Variants in AP4E1 observed in about 807,000 individuals in gnomAD.
AP4E1 encodes AP-4 complex subunit epsilon-1.
Under a neutral mutation model 128.2 loss-of-function variants are expected in AP4E1, and 56 were observed. The ratio of observed to expected loss-of-function variants is 0.44; its 90% CI spans 0.35 to 0.55. AP4E1 has a LOEUF of 0.55. Ranked by LOEUF, AP4E1 falls within the 20% of genes least tolerant of loss-of-function variation. The probability of loss-of-function intolerance (pLI) is 0.00; values close to 1 mark genes in which losing one functional copy is unlikely to be tolerated. For missense variants in AP4E1, 1,324 were observed against 1,307.7 expected, an observed-to-expected ratio of 1.01 and a Z score of -0.19; for synonymous variants, 484 against 473.1, an observed-to-expected ratio of 1.02 and a Z score of -0.30.
At chr15:50,985,062 T>C (rs1417470599) in intron 16 of AP4E1, among the ~76,000 whole-genome samples, 1 of 152,396 alleles carries the variant, frequency 6.6e-6, no homozygotes, top group Non-Finnish European at 1.5e-5. Context: ...TAGCCAGTGA[T>C]GACGAGCATT....
intron 14 of AP4E1, among the ~76,000 whole-genome samples, chr15:50,966,292 T>G (rs898558195): frequency 3.9e-5 from 6 of 152,210 alleles, no homozygotes; most frequent in Admixed American, 2.0e-4. Flanking sequence ...TTATTTCCAC[T>G]AATTTTGACT....
chr15:50,984,835 G>C (rs1231648907), intron 16 of AP4E1, among the ~76,000 whole-genome samples: 1 of 150,732 alleles, frequency 6.6e-6, no homozygotes, highest in East Asian at 1.9e-4. Context: ...TAATGGGATT[G>C]CTGGGTCAAA....
chr15:50,909,931 C>T (rs539468783), intron 1 of AP4E1, among the ~76,000 whole-genome samples: 1 of 152,072 alleles, frequency 6.6e-6, no homozygotes, highest in African/African-American at 2.4e-5. Context: ...GCGATCCGCC[C>T]GCCTTGGCGT....
At chr15:50,926,885 C>T (rs962988610) in intron 5 of AP4E1, among the ~76,000 whole-genome samples, 4 of 152,258 alleles carry the variant, frequency 2.6e-5, no homozygotes, top group East Asian at 1.9e-4. Context: ...CCACCATGCC[C>T]GGCCAACTTG....
At position 50,950,033 on chromosome 15, in the gene AP4E1, G is replaced by A. The variant is rs747140229; in HGVS notation, c.1430-18G>A. 20 of 1,593,092 alleles carry A rather than the reference G, an allele frequency of 1.3e-5. No homozygotes were observed. In the Admixed American group the frequency reaches 2.8e-4, roughly 23 times the overall value. On this transcript the variant is annotated intron_variant, in intron 12 of 20. Coordinates refer to ENST00000261842, the MANE Select transcript of AP4E1 (RefSeq NM_007347.5). ...ATAAGTTTGTGGAAATTAAAATGGT[G>A]TATCAATTTCTTTGTAGGTTTTGAT... is the stretch of plus-strand genomic sequence containing the variant.
intron 7 of AP4E1, 87 bp downstream of exon 7, chr15:50,931,058 C>G: frequency 6.8e-7 from 1 of 1,465,254 alleles, no homozygotes; most frequent in Non-Finnish European, 9.5e-7. Context: ...TAATGATAAA[C>G]CAGATTCTTC....
chr15:50,953,719 A>G (rs558143166), intron 13 of AP4E1, among the ~76,000 whole-genome samples: 5 of 152,370 alleles, frequency 3.3e-5, no homozygotes, highest in African/African-American at 7.2e-5. Context: ...AGCTATAAAA[A>G]TGGTTCCTTT....
intron 2 of AP4E1, among the ~76,000 whole-genome samples, chr15:50,914,396 A>G (rs1238622853): frequency 6.6e-6 from 1 of 152,094 alleles, no homozygotes; most frequent in Non-Finnish European, 1.5e-5. Context: ...CACACCTGTA[A>G]TCCCGGCAAT....
intron 7 of AP4E1, among the ~76,000 whole-genome samples, chr15:50,932,399 TTC>T (rs537231015): frequency 3.6e-4 from 55 of 152,348 alleles, no homozygotes; most frequent in Admixed American, 2.7e-3. Context: ...ATCATTCTCA[TTC>T]TCTGTGTGTG....
At chr15:50,917,485 A>G (rs1260145248) in intron 3 of AP4E1, among the ~76,000 whole-genome samples, 1 of 152,222 alleles carries the variant, frequency 6.6e-6, no homozygotes, top group Non-Finnish European at 1.5e-5. Flanking sequence ...CAATTGAGAT[A>G]ACATTGATAC....
In AP4E1 at chr15:51,004,445, G is replaced by C. The variant is rs752246719; in HGVS notation, c.*1783G>C. 2.0e-5 allele frequency: 3 copies of C among 152,244 alleles called. No individual in the cohort carries two copies. Among genetic ancestry groups the C allele is most frequent in the Non-Finnish European group, 4.4e-5 (3 of 68,056 alleles). 9.4% of individuals were successfully genotyped at this position (152,244 alleles called of 1,614,324 possible). ...GGCTAGGTCGAGTGTGAAGCAATAG[G>C]TGTAAGATGCTGAGAGCACATGGAC... On this transcript the variant is annotated 3_prime_UTR_variant, in exon 21 of 21. Coordinates refer to ENST00000261842, the MANE Select transcript of AP4E1 (RefSeq NM_007347.5).
rs1395874285 is a variant in AP4E1 at position 50,958,695 on chromosome 15, T to G, written c.1752T>G (p.Thr584=). 6.2e-7 allele frequency: 1 copy of G among 1,614,056 alleles called. No homozygotes were observed. The highest frequency in any genetic ancestry group is 8.5e-7 in the Non-Finnish European group (1 of 1,180,018). Residue 584 remains threonine, a synonymous_variant, in exon 14 of 21, where the codon ACT becomes ACG. Transcript: ENST00000261842. ...LIHEFTISLD[T]CMRQHAFELK... ...ATGAATTTACCATATCTTTGGATAC[T>G]TGTATGAGACAACATGCATTTGAAT...
At chr15:50,943,225 G>T (rs1397366471) in intron 10 of AP4E1, among the ~76,000 whole-genome samples, 1 of 152,006 alleles carries the variant, frequency 6.6e-6, no homozygotes, top group African/African-American at 2.4e-5. Context: ...CAAAGGACAT[G>T]ATTACATTCT....
chr15:50,966,324 C>T (rs1461387704), intron 14 of AP4E1, among the ~76,000 whole-genome samples: 5 of 152,108 alleles, frequency 3.3e-5, no homozygotes, highest in Admixed American at 3.3e-4. Context: ...GGCTTGTATT[C>T]ATTTTGAACA....
intron 3 of AP4E1, among the ~76,000 whole-genome samples, chr15:50,922,999 G>A (rs910903595): frequency 2.0e-5 from 3 of 152,002 alleles, no homozygotes; most frequent in South Asian, 2.1e-4. Context: ...GGATGGTCTC[G>A]ATCTCCTAAC....
At chr15:50,932,960 A>G (rs1295346231) in intron 7 of AP4E1, among the ~76,000 whole-genome samples, 1 of 152,220 alleles carries the variant, frequency 6.6e-6, no homozygotes, top group Admixed American at 6.5e-5. Context: ...CATGAATTTT[A>G]TATTAATGCA....
At chr15:50,987,558 G>T (rs533554055) in intron 16 of AP4E1, among the ~76,000 whole-genome samples, 59 of 152,198 alleles carry the variant, frequency 3.9e-4, no homozygotes, top group African/African-American at 1.3e-3. Context: ...ATTTCGTTAT[G>T]TACCCAGTAG....
intron 1 of AP4E1, among the ~76,000 whole-genome samples, chr15:50,910,514 A>G (rs986165987): frequency 2.0e-5 from 3 of 152,246 alleles, no homozygotes; most frequent in African/African-American, 7.2e-5. Flanking sequence ...ACAATGCAAT[A>G]GAAGTGCTAA....
chr15:50,957,666 C>T (rs559760182), intron 13 of AP4E1, among the ~76,000 whole-genome samples: 158 of 127,452 alleles, frequency 1.2e-3, no homozygotes, highest in Middle Eastern at 7.9e-3. Flanking sequence ...CATAGACAAG[C>T]GTTTCTTTTT....
Sources: allele counts gnomAD v4.1 joint callset (sites outside exome capture counted in the v4.1 genomes callset), GRCh38; gene constraint gnomAD v4.1.1; transcripts MANE v1.5; gene names NCBI Gene and HGNC (gene_info 2026-07-23, HGNC 2026-07-21).